MATR3: variants seen among roughly 807,000 people sequenced by gnomAD.
MATR3 encodes the protein matrin-3.
MATR3 carries 4 observed loss-of-function variants against 85.5 expected under a neutral mutation model. The observed-to-expected ratio is 0.05, with a 90% confidence interval of 0.02 to 0.11. MATR3 has a LOEUF of 0.11. Among genes scored for constraint, MATR3 ranks in the 10% least tolerant of loss-of-function variants. The pLI is 1.00. For missense variants in MATR3, 685 were observed against 1,016.1 expected (o/e 0.67, Z 4.43); for synonymous variants, 336 against 343.1 (o/e 0.98, Z 0.23).
chr5:139,284,973 G>A (rs1753657017), intron 3 of MATR3, among the ~76,000 whole-genome samples: 1 of 152,126 alleles, frequency 6.6e-6, no homozygotes, highest in Non-Finnish European at 1.5e-5. Context: ...ACTACATGTT[G>A]ACCATGTTAA....
At chr5:139,323,700 C>G (rs1164031396) in intron 12 of MATR3, among the ~76,000 whole-genome samples, 1 of 152,132 alleles carries the variant, frequency 6.6e-6, no homozygotes, top group Non-Finnish European at 1.5e-5. Context: ...GCCAGGAGTT[C>G]AAGACCAACA....
upstream of MATR3, among the ~76,000 whole-genome samples, chr5:139,291,698 C>A (rs1261222584): frequency 6.6e-6 from 1 of 152,120 alleles, no homozygotes; most frequent in Non-Finnish European, 1.5e-5. Context: ...ACCACCATGC[C>A]CGGTTAATTT....
At chr5:139,295,730 A>G (rs1409310771) in intron 1 of MATR3, among the ~76,000 whole-genome samples, 3 of 152,184 alleles carry the variant, frequency 2.0e-5, no homozygotes, top group Non-Finnish European at 4.4e-5. Context: ...TCAAATCCCT[A>G]ATTTTATAGA....
At chr5:139,309,127 C>CA (rs1337133766) in intron 2 of MATR3, among the ~76,000 whole-genome samples, 1 of 152,142 alleles carries the variant, frequency 6.6e-6, no homozygotes, top group Non-Finnish European at 1.5e-5. Flanking sequence ...CTTTAATTAT[C>CA]ACATCTGGCA....
upstream of MATR3, among the ~76,000 whole-genome samples, chr5:139,291,765 C>G (rs1403975806): frequency 1.3e-5 from 2 of 151,990 alleles, no homozygotes; most frequent in African/African-American, 4.8e-5. Context: ...TCTCGAACTC[C>G]CGACCTCAAG....
intron 1 of MATR3, 115 bp downstream of exon 1, chr5:139,293,920 G>C: frequency 8.4e-7 from 1 of 1,193,600 alleles, no homozygotes; most frequent in Non-Finnish European, 1.1e-6. Context: ...CGCCTTTCTT[G>C]CTCGCTCCCG....
intron 1 of MATR3, among the ~76,000 whole-genome samples, chr5:139,304,954 A>G (rs762411430): frequency 1.3e-5 from 2 of 152,208 alleles, no homozygotes; most frequent in African/African-American, 4.8e-5. Context: ...TGCTTTTTCA[A>G]CAATGTTGCC....
chr5:139,317,378 G>A (rs756676754), intron 6 of MATR3, among the ~76,000 whole-genome samples: 1 of 152,210 alleles, frequency 6.6e-6, no homozygotes, highest in Non-Finnish European at 1.5e-5. Context: ...CAGAGAGTAT[G>A]TTTTGACACT....
At chr5:139,303,041 ATTAG>A (rs1754531452) in intron 1 of MATR3, among the ~76,000 whole-genome samples, 1 of 151,400 alleles carries the variant, frequency 6.6e-6, no homozygotes, top group Admixed American at 6.6e-5. Context: ...ACCATCTCAA[ATTAG>A]TTGTTTTTTT....
chr5:139,326,011 C>A, intron 13 of MATR3, 152 bp from the exon 14 acceptor site: 1 of 709,718 alleles, frequency 1.4e-6, no homozygotes, highest in Middle Eastern at 4.0e-4. Flanking sequence ...TAGGTAAAAG[C>A]AAAATATGGT....
At chr5:139,299,097 A>G (rs1051746470) in intron 1 of MATR3, among the ~76,000 whole-genome samples, 6 of 152,226 alleles carry the variant, frequency 3.9e-5, no homozygotes, top group African/African-American at 1.4e-4. Context: ...ATTGCTATGT[A>G]GATTTATTTC....
chr5:139,284,453 C>A (rs771033201), intron 3 of MATR3, among the ~76,000 whole-genome samples: 2 of 152,006 alleles, frequency 1.3e-5, no homozygotes, highest in African/African-American at 2.4e-5. Flanking sequence ...GAAAAAAATA[C>A]AAAAATTAGC....
chr5:139,276,773 TA>T (rs1753291799), intron 2 of MATR3, among the ~76,000 whole-genome samples: 1 of 152,168 alleles, frequency 6.6e-6, no homozygotes, highest in Non-Finnish European at 1.5e-5. Context: ...TCACTGAAAT[TA>T]AAGTCCATGG....
intron 1 of MATR3, among the ~76,000 whole-genome samples, chr5:139,305,396 C>T (rs1754657807): frequency 6.6e-6 from 1 of 152,106 alleles, no homozygotes; most frequent in African/African-American, 2.4e-5. Flanking sequence ...TATAATTTCT[C>T]TTAGGGAAAA....
chr5:139,330,189 T>C lies in MATR3; in HGVS notation c.*794T>C, dbSNP rs1363559998. ...GAAGTGTGTAGACCATCTCTTCATA[T>C]TTTCAAGATGTAATTTTACATTTCT... is the stretch of plus-strand genomic sequence containing the variant. On this transcript the variant is annotated 3_prime_UTR_variant, in exon 15 of 15. Transcript: ENST00000394805. 2.2e-6 allele frequency: 1 copy of C among 454,320 alleles called. No individual in the cohort carries two copies. Among genetic ancestry groups the C allele is most frequent in the Admixed American group, 2.4e-5 (1 of 42,544 alleles). The allele number at this position is 454,320 out of a possible 1,614,324, so 28.1% of individuals were successfully genotyped here. A position where few individuals can be genotyped will look rare whatever the true frequency, so the allele number is the denominator to read the frequency against.
chr5:139,274,138 C>T (rs1263553270), exon 1 of MATR3: 1 of 438,112 alleles, frequency 2.3e-6, no homozygotes, highest in Non-Finnish European at 4.5e-6. Flanking sequence ...CTGCTGCGCC[C>T]TGCGGAGCTC....
Position 139,322,776 on chromosome 5 carries a change from G to A in MATR3, c.1957G>A (p.Glu653Lys). 1 of 1,614,180 alleles carries A rather than the reference G, an allele frequency of 6.2e-7. No individual in the cohort carries two copies. Among genetic ancestry groups the A allele is most frequent in the Non-Finnish European group, 8.5e-7 (1 of 1,180,032 alleles). The change falls in exon 12 of 15, where the codon GAA becomes AAA. Residue 653 changes from glutamate to lysine, a missense_variant. By Grantham distance (56) the Glu-to-Lys change is moderately conservative. This residue lies in a region of MATR3 where 215 missense variants were observed against 194.7 expected (regional missense o/e 1.10). Transcript: ENST00000394805. ...QTEQEPNMLL[E>K]SEDELLVDEE... Reference sequence around the variant, plus strand: ...AGAGCAGGAACCTAATATGCTTCTTGAATCTGAAGATGAGCTACTTGTAGA... The same window carrying A: ...AGAGCAGGAACCTAATATGCTTCTTAAATCTGAAGATGAGCTACTTGTAGA...
chr5:139,315,795 G>T (rs1374260505), intron 4 of MATR3, 57 bp downstream of exon 4: 2 of 1,351,754 alleles, frequency 1.5e-6, no homozygotes, highest in Non-Finnish European at 2.1e-6. Context: ...AGGAATTCAG[G>T]TTTCACTTTC....
At chr5:139,281,256 T>C (rs1673391815) in intron 3 of MATR3, among the ~76,000 whole-genome samples, 2 of 151,992 alleles carry the variant, frequency 1.3e-5, no homozygotes, top group Non-Finnish European at 2.9e-5. Flanking sequence ...CTCACTGCAG[T>C]CTCAACTTTC....
Sources: gnomAD v4.1 joint callset for allele counts (sites outside exome capture counted in the v4.1 genomes callset) on GRCh38, gnomAD v4.1.1 for gene constraint, gnomAD v4.1.1 regional missense constraint, MANE v1.5 for transcripts, NCBI Gene and HGNC (gene_info 2026-07-23, HGNC 2026-07-21) for gene names.